Variants in IGFL4 observed in about 807,000 individuals in gnomAD.
IGFL4 encodes the protein IGF like family member 4, also known as insulin growth factor-like family member 4.
In IGFL4, 12 loss-of-function variants were observed where a neutral mutation model predicts 15.4. That is an observed-to-expected ratio of 0.78 (90% confidence interval 0.50 to 1.26). The LOEUF (loss-of-function observed/expected upper bound fraction) is 1.26, where lower values mean the gene tolerates loss of function less well. IGFL4 is among the 50% of genes most tolerant of loss of function. The pLI, the probability that IGFL4 is intolerant of heterozygous loss-of-function variation, is 0.00. For missense variants in IGFL4, 126 were observed against 147.8 expected (o/e 0.85, Z 0.76); for synonymous variants, 54 against 55.9 (o/e 0.97, Z 0.16).
intron 1 of IGFL4, among the ~76,000 whole-genome samples, chr19:46,061,096 T>G (rs1446765531): frequency 6.6e-6 from 1 of 152,214 alleles, no homozygotes; most frequent in Non-Finnish European, 1.5e-5. Flanking sequence ...TACACAGAAT[T>G]TCTTTCACAA....
upstream of IGFL4, among the ~76,000 whole-genome samples, chr19:46,044,258 G>A (rs892387677): frequency 6.6e-6 from 1 of 152,194 alleles, no homozygotes; most frequent in African/African-American, 2.4e-5. Context: ...AGTCTTGGCA[G>A]AGCGGCCACA....
chr19:46,077,571 G>C (rs1483791039), upstream of IGFL4, among the ~76,000 whole-genome samples: 3 of 152,362 alleles, frequency 2.0e-5, 1 homozygote, highest in Middle Eastern at 6.8e-3. The surrounding 1 kb of genome is among the most constrained non-coding windows in gnomAD (Gnocchi z 5.4). Flanking sequence ...GCAATAGCCA[G>C]TGATCAGTGA....
upstream of IGFL4, among the ~76,000 whole-genome samples, chr19:46,041,957 G>C (rs1450813378): frequency 6.6e-6 from 1 of 150,662 alleles, no homozygotes; most frequent in Non-Finnish European, 1.5e-5. Flanking sequence ...TCCCACCTCA[G>C]CCTCTTGAGT....
intron 1 of IGFL4, among the ~76,000 whole-genome samples, chr19:46,074,244 G>A (rs2146531713): frequency 6.6e-6 from 1 of 151,600 alleles, no homozygotes. Flanking sequence ...GTATTAGTCA[G>A]GGTTGTCTAG....
At chr19:46,062,275 G>A (rs997575355) in intron 1 of IGFL4, among the ~76,000 whole-genome samples, 1 of 152,154 alleles carries the variant, frequency 6.6e-6, no homozygotes, top group African/African-American at 2.4e-5. Flanking sequence ...CAAGATGGTT[G>A]GTGGAGGGGA....
intron 1 of IGFL4, among the ~76,000 whole-genome samples, chr19:46,065,075 C>A (rs1907621800): frequency 6.6e-6 from 1 of 152,132 alleles, no homozygotes; most frequent in African/African-American, 2.4e-5. Context: ...GCCTGTTTGC[C>A]ATTTGTATGT....
rs1427185655 is a variant in IGFL4 at position 46,040,652 on chromosome 19, C to G, written c.20-84G>C. The G allele has an allele frequency of 6.1e-6, 9 of 1,485,956 alleles. No homozygotes were observed. Among genetic ancestry groups the G allele is most frequent in the Admixed American group, 1.8e-5 (1 of 56,184 alleles). The allele number at this position is 1,485,956 out of a possible 1,614,324, so 92.0% of individuals were successfully genotyped here. A position where few individuals can be genotyped will look rare whatever the true frequency, so the allele number is the denominator to read the frequency against. ...CACAGGATGATGTCTCTGAGCTTCT[C>G]TGGTTGCTGTTAACAGCTCAGAGTG... On this transcript the variant is annotated intron_variant, in intron 1 of 3. Coordinates refer to ENST00000377697, the MANE Select transcript of IGFL4 (RefSeq NM_001002923.3). The surrounding 1 kb of genome is among the most constrained non-coding windows in gnomAD (Gnocchi z 4.1).
At chr19:46,053,314 G>C (rs56116425) in intron 2 of IGFL4, among the ~76,000 whole-genome samples, 126 of 152,042 alleles carry the variant, frequency 8.3e-4, no homozygotes, top group African/African-American at 2.8e-3. Context: ...TCCCAGGTTC[G>C]AGTGATTCTC....
intron 1 of IGFL4, among the ~76,000 whole-genome samples, chr19:46,069,838 C>T (rs1969528943): frequency 6.6e-6 from 1 of 152,122 alleles, no homozygotes; most frequent in African/African-American, 2.4e-5. Context: ...GTGTAAGATG[C>T]TCTGAGCCAT....
intron 1 of IGFL4, among the ~76,000 whole-genome samples, chr19:46,061,198 A>G (rs544862671): frequency 2.0e-5 from 3 of 152,328 alleles, no homozygotes; most frequent in Admixed American, 6.5e-5. Context: ...CCTTTAATCT[A>G]GGCAAAAACA....
chr19:46,040,402 G>C lies in IGFL4; in HGVS notation c.85C>G (p.Leu29Val), dbSNP rs1215469714. 6 of 1,614,080 alleles carry C rather than the reference G, an allele frequency of 3.7e-6. No individual in the cohort carries two copies. Among genetic ancestry groups the C allele is most frequent in the Non-Finnish European group, 5.1e-6 (6 of 1,180,040 alleles). Reference sequence around the variant, plus strand: ...CCGCACCTGGGCGCTGGCTGGCATAGCCACAGTCTAAGATCTGGAAGAGTC... The same window carrying C: ...CCGCACCTGGGCGCTGGCTGGCATACCCACAGTCTAAGATCTGGAAGAGTC... ...SEGVTDLRLWLCQPAPRCGEW... is the reference protein window; with the variant it reads ...SEGVTDLRLWVCQPAPRCGEW... Residue 29 changes from leucine to valine, a missense_variant, in exon 3 of 4, where the codon CTA (leucine) becomes GTA (valine). Physicochemically the swap from Leu to Val is conservative, Grantham distance 32. Transcript: ENST00000377697. This position sits in a 1 kb window ranked among gnomAD's most constrained non-coding sequence, Gnocchi z 4.1.
At chr19:46,076,038 C>T (rs1969592268) in intron 1 of IGFL4, among the ~76,000 whole-genome samples, 1 of 152,228 alleles carries the variant, frequency 6.6e-6, no homozygotes, top group Middle Eastern at 3.4e-3. Flanking sequence ...CTTTCAAACA[C>T]CTGCAGAGTC....
intron 1 of IGFL4, among the ~76,000 whole-genome samples, chr19:46,076,024 C>G (rs1969592036): frequency 6.6e-6 from 1 of 152,044 alleles, no homozygotes; most frequent in African/African-American, 2.4e-5. Flanking sequence ...TTTGAAAGTC[C>G]AAACTTTCAA....
At chr19:46,044,695 T>G (rs1198626826), upstream of IGFL4, among the ~76,000 whole-genome samples, 1 of 152,154 alleles carries the variant, frequency 6.6e-6, no homozygotes, top group Non-Finnish European at 1.5e-5. Context: ...CCTGACTGGG[T>G]GAGACCTCCT....
At position 46,040,403 on chromosome 19, in the gene IGFL4, C is replaced by T. The variant is rs764286892; in HGVS notation, c.84G>A (p.Trp28Ter). The change falls in exon 3 of 4, where the codon TGG (tryptophan) becomes TGA (stop). Residue 28 changes from tryptophan (W) to a stop codon, truncating the protein, a stop_gained. Coordinates refer to ENST00000377697, the MANE Select transcript of IGFL4 (RefSeq NM_001002923.3). LOFTEE classifies it high-confidence loss of function. The surrounding 1 kb of genome is among the most constrained non-coding windows in gnomAD (Gnocchi z 4.1). The part of the protein sequence containing the change: ...NSEGVTDLRL[W>*]LCQPAPRCGE... Reference sequence around the variant, plus strand: ...CGCACCTGGGCGCTGGCTGGCATAGCCACAGTCTAAGATCTGGAAGAGTCG... The same window carrying T: ...CGCACCTGGGCGCTGGCTGGCATAGTCACAGTCTAAGATCTGGAAGAGTCG... 6.2e-7 allele frequency: 1 copy of T among 1,614,196 alleles called. No individual in the cohort carries two copies. The highest frequency in any genetic ancestry group is 8.5e-7 in the Non-Finnish European group (1 of 1,180,030).
rs1301117025 is a variant in IGFL4 at position 46,039,207 on chromosome 19, T to C, written c.*685A>G. ...GTCAAAGATCAGATAGTTGTAGATA[T>C]GCGGCGTTATTTCTGAGGGCTCTGT... On this transcript the variant is annotated 3_prime_UTR_variant, in exon 4 of 4. Transcript: ENST00000377697. Among the ~76,000 whole-genome samples the C allele has an allele frequency of 7.6e-4, 78 of 102,828 alleles. No individual in the cohort carries two copies. The highest frequency in any genetic ancestry group is 3.1e-3 in the African/African-American group (72 of 23,598). The allele number at this position is 102,828 out of a possible 152,430, so 67.5% of individuals were successfully genotyped here. A position where few individuals can be genotyped will look rare whatever the true frequency, so the allele number is the denominator to read the frequency against.
chr19:46,064,722 A>C (rs1413706519), intron 1 of IGFL4, among the ~76,000 whole-genome samples: 1 of 152,198 alleles, frequency 6.6e-6, no homozygotes, highest in Non-Finnish European at 1.5e-5. Flanking sequence ...GGTTGTTTCC[A>C]AATTTTGGCT....
At chr19:46,077,311 G>C (rs540140123), upstream of IGFL4, among the ~76,000 whole-genome samples, 6 of 152,304 alleles carry the variant, frequency 3.9e-5, no homozygotes, top group South Asian at 1.2e-3. The surrounding 1 kb of genome is among the most constrained non-coding windows in gnomAD (Gnocchi z 5.4). Flanking sequence ...GGGGGTGCAC[G>C]CTGGCTCAAA....
At chr19:46,048,703 C>T (rs551910889) in intron 2 of IGFL4, among the ~76,000 whole-genome samples, 10 of 152,062 alleles carry the variant, frequency 6.6e-5, no homozygotes, top group Non-Finnish European at 1.2e-4. Flanking sequence ...AAGAATACAG[C>T]TAACAAGGAA....
Sources: gnomAD v4.1 joint callset for allele counts (sites outside exome capture counted in the v4.1 genomes callset) on GRCh38, gnomAD v4.1.1 for gene constraint, Gnocchi (gnomAD v3.1) non-coding constraint, MANE v1.5 for transcripts, NCBI Gene and HGNC (gene_info 2026-07-23, HGNC 2026-07-21) for gene names.